Variants in IL1RAPL2 observed in about 807,000 individuals in gnomAD.
The protein encoded by IL1RAPL2 is interleukin 1 receptor accessory protein like 2, also known as X-linked interleukin-1 receptor accessory protein-like 2.
IL1RAPL2 carries 3 observed loss-of-function variants against 44.1 expected under a neutral mutation model. The observed-to-expected ratio is 0.07, with a 90% CI of 0.03 to 0.18. IL1RAPL2 has a LOEUF of 0.18. Ranked by LOEUF, IL1RAPL2 falls within the 10% of genes least tolerant of loss-of-function variation. The probability of loss-of-function intolerance (pLI) is 1.00; values close to 1 mark genes in which losing one functional copy is unlikely to be tolerated. For synonymous variants in IL1RAPL2, 181 were observed against 178.8 expected, an observed-to-expected ratio of 1.01 and a Z score of -0.10; for missense variants, 391 against 496.4, an observed-to-expected ratio of 0.79 and a Z score of 2.02.
At chrX:104,824,991 A>G (rs1207102648) in intron 2 of IL1RAPL2, among the ~76,000 whole-genome samples, 1 of 111,771 alleles carries the variant, frequency 8.9e-6, no homozygotes, top group Non-Finnish European at 1.9e-5. Context: ...TGGGGAGGAT[A>G]ATGAAAACAA....
chrX:105,460,032 C>G (rs1011430700), intron 5 of IL1RAPL2, among the ~76,000 whole-genome samples: 4 of 111,235 alleles, frequency 3.6e-5, no homozygotes, highest in African/African-American at 1.3e-4. Context: ...TAATCCTTTG[C>G]CAGCAGATTG....
intron 2 of IL1RAPL2, among the ~76,000 whole-genome samples, chrX:104,963,142 C>A (rs1259897526): frequency 1.8e-5 from 2 of 111,453 alleles, no homozygotes; most frequent in Non-Finnish European, 3.8e-5. Flanking sequence ...TAGTGGTAAC[C>A]ATGGTATTTC....
chrX:105,277,272 A>G (rs1044572317), intron 5 of IL1RAPL2, among the ~76,000 whole-genome samples: 7 of 112,585 alleles, frequency 6.2e-5, no homozygotes, highest in Middle Eastern at 4.6e-3. Flanking sequence ...AATAAGGAAC[A>G]ACCACAGCAG....
At chrX:105,748,764 A>G (rs2038571200) in intron 8 of IL1RAPL2, among the ~76,000 whole-genome samples, 196 bp from the exon 9 acceptor site, 1 of 112,473 alleles carries the variant, frequency 8.9e-6, no homozygotes, top group South Asian at 3.6e-4. Context: ...TTAATAGTAA[A>G]TTAATCAAAT....
intron 2 of IL1RAPL2, among the ~76,000 whole-genome samples, chrX:105,001,333 G>A: frequency 9.0e-6 from 1 of 111,351 alleles, no homozygotes. Flanking sequence ...AGTATTCAGA[G>A]GAGTATATCT....
At chrX:105,756,267 T>C (rs1224760876) in intron 10 of IL1RAPL2, among the ~76,000 whole-genome samples, 1 of 112,111 alleles carries the variant, frequency 8.9e-6, no homozygotes. Context: ...CTTCATTTCA[T>C]TTTTACAGTA....
rs1042517935 is a variant in IL1RAPL2, at chrX:105,637,160, G to T, written c.773-80207G>T. 2.7e-5 allele frequency among the ~76,000 whole-genome samples: 3 copies of T among 110,936 alleles called. No individual in the cohort carries two copies. In the Admixed American group the frequency reaches 2.9e-4, roughly 11 times the overall value. On this transcript the variant is annotated intron_variant, in intron 6 of 10. Coordinates refer to ENST00000372582, the MANE Select transcript of IL1RAPL2 (RefSeq NM_017416.2). ...AGAGGAGCTAGAAGAAGGAAGGAAG[G>T]AATAGCTACCTCTTTATTAGATCTT...
chrX:105,217,456 G>T (rs2033874140), intron 3 of IL1RAPL2, among the ~76,000 whole-genome samples: 1 of 111,765 alleles, frequency 8.9e-6, no homozygotes. Flanking sequence ...AACAACAGGT[G>T]CTGGAGAGGA....
At chrX:105,083,285 T>TA (rs2032437042) in intron 2 of IL1RAPL2, among the ~76,000 whole-genome samples, 1 of 111,169 alleles carries the variant, frequency 9.0e-6, no homozygotes, top group Non-Finnish European at 1.9e-5. Context: ...ATAAAGCCTC[T>TA]AAAAATATGG....
intron 2 of IL1RAPL2, among the ~76,000 whole-genome samples, chrX:105,128,434 G>A (rs777207161): frequency 9.0e-6 from 1 of 110,826 alleles, no homozygotes; most frequent in Admixed American, 9.6e-5. Context: ...AGCATACACA[G>A]GAAATTTTGT....
chrX:105,077,527 G>T (rs752337563), intron 2 of IL1RAPL2, among the ~76,000 whole-genome samples: 4,230 of 110,556 alleles, frequency 0.038, 225 homozygotes, highest in African/African-American at 0.13. Context: ...GTGTCTTGGA[G>T]TTGCTCTTCT....
intron 2 of IL1RAPL2, among the ~76,000 whole-genome samples, chrX:104,961,808 A>G (rs1012583901): frequency 8.9e-6 from 1 of 112,025 alleles, no homozygotes; most frequent in Non-Finnish European, 1.9e-5. Flanking sequence ...TGCCTGGCCC[A>G]GAATAGGCAC....
intron 2 of IL1RAPL2, among the ~76,000 whole-genome samples, chrX:104,729,308 T>C (rs1931857143): frequency 9.0e-6 from 1 of 110,912 alleles, no homozygotes; most frequent in Non-Finnish European, 1.9e-5. Context: ...AGAAGGCTAG[T>C]AGGGCTTGAT....
intron 2 of IL1RAPL2, among the ~76,000 whole-genome samples, chrX:105,022,042 T>C (rs1288755476): frequency 9.0e-6 from 1 of 111,004 alleles, no homozygotes; most frequent in Non-Finnish European, 1.9e-5. Context: ...CTGTATATTG[T>C]TCTTATCCTT....
At chrX:105,673,591 C>A (rs915820480) in intron 6 of IL1RAPL2, among the ~76,000 whole-genome samples, 5 of 111,766 alleles carry the variant, frequency 4.5e-5, no homozygotes, top group African/African-American at 6.5e-5. Context: ...GGGTTGATTT[C>A]ATGTCTTTGT....
At chrX:104,811,741 T>C (rs938253522) in intron 2 of IL1RAPL2, among the ~76,000 whole-genome samples, 2 of 110,796 alleles carry the variant, frequency 1.8e-5, no homozygotes, top group Non-Finnish European at 3.8e-5. Flanking sequence ...AAAGAAGCAG[T>C]GTCTGGGTCC....
chrX:105,725,086 G>T (rs1390222387), intron 7 of IL1RAPL2, among the ~76,000 whole-genome samples: 1 of 111,451 alleles, frequency 9.0e-6, no homozygotes, highest in Non-Finnish European at 1.9e-5. Flanking sequence ...AGAAATAATA[G>T]TATTATAGAT....
chrX:104,875,803 T>C (rs1164654647), intron 2 of IL1RAPL2, among the ~76,000 whole-genome samples: 4 of 112,060 alleles, frequency 3.6e-5, no homozygotes, highest in African/African-American at 9.7e-5. Context: ...TTTATTTTTC[T>C]ACTTAGCACA....
At chrX:104,665,368 T>C (rs1481846975) in intron 2 of IL1RAPL2, among the ~76,000 whole-genome samples, 2 of 111,126 alleles carry the variant, frequency 1.8e-5, no homozygotes, top group East Asian at 2.8e-4. Context: ...AAAATAATTA[T>C]CCATTTAATT....
Sources: allele counts gnomAD v4.1 joint callset (sites outside exome capture counted in the v4.1 genomes callset), GRCh38; gene constraint gnomAD v4.1.1; transcripts MANE v1.5; gene names NCBI Gene and HGNC (gene_info 2026-07-23, HGNC 2026-07-21).